CCDC171: variants seen among roughly 807,000 people sequenced by gnomAD.
CCDC171 encodes the protein coiled-coil domain containing 171.
In CCDC171, 177 loss-of-function variants were observed where a neutral mutation model predicts 168.2. The ratio of observed to expected loss-of-function variants is 1.05; its 90% confidence interval spans 0.93 to 1.19. The LOEUF (loss-of-function observed/expected upper bound fraction) is 1.19, where lower values mean the gene tolerates loss of function less well. CCDC171 is among the 50% of genes most tolerant of loss of function. The probability of loss-of-function intolerance (pLI) is 0.00; values close to 1 mark genes in which losing one functional copy is unlikely to be tolerated. For synonymous variants in CCDC171, 687 were observed against 540.8 expected, an observed-to-expected ratio of 1.27 and a Z score of -3.75; for missense variants, 1,991 against 1,539.0, an observed-to-expected ratio of 1.29 and a Z score of -4.91.
intron 21 of CCDC171, among the ~76,000 whole-genome samples, chr9:15,811,317 A>G (rs2059346662): frequency 1.3e-5 from 2 of 152,258 alleles, no homozygotes; most frequent in East Asian, 1.9e-4. Context: ...ATAATTAGAT[A>G]CAGCATACCT....
chr9:15,924,837 C>T (rs1429847923), intron 25 of CCDC171, among the ~76,000 whole-genome samples: 1 of 151,482 alleles, frequency 6.6e-6, no homozygotes, highest in African/African-American at 2.4e-5. Flanking sequence ...CCATTAGTTC[C>T]TTTCCATCCC....
intron 21 of CCDC171, among the ~76,000 whole-genome samples, chr9:15,835,294 T>C (rs1336295029): frequency 1.3e-5 from 2 of 152,224 alleles, no homozygotes; most frequent in Admixed American, 6.5e-5. Context: ...TTTGATAAAA[T>C]GTTATATAAC....
intron 23 of CCDC171, among the ~76,000 whole-genome samples, chr9:15,869,426 TTTTC>T (rs2061932874): frequency 6.6e-6 from 1 of 151,898 alleles, no homozygotes; most frequent in African/African-American, 2.4e-5. Context: ...TTAAATTATT[TTTTC>T]TTTCTTCTAC....
chr9:15,608,420 G>A (rs1160589114), intron 6 of CCDC171, among the ~76,000 whole-genome samples: 2 of 151,894 alleles, frequency 1.3e-5, no homozygotes, highest in Non-Finnish European at 2.9e-5. Flanking sequence ...CTCTTAAGTG[G>A]GTGTAACAAT....
the CCDC171 span, among the ~76,000 whole-genome samples, chr9:16,102,742 T>C: frequency 6.6e-6 from 1 of 152,198 alleles, no homozygotes; most frequent in African/African-American, 2.4e-5. Context: ...TTCGTCCCCC[T>C]GGCCTCATGC....
chr9:15,707,671 A>G (rs1303369781), intron 11 of CCDC171, among the ~76,000 whole-genome samples: 5 of 152,224 alleles, frequency 3.3e-5, no homozygotes, highest in Non-Finnish European at 5.9e-5. Flanking sequence ...GTTTAAAAAC[A>G]TACTATTATT....
intron 3 of CCDC171, 151 bp downstream of exon 3, chr9:15,571,910 T>G (rs1587045918): frequency 3.2e-6 from 2 of 620,152 alleles, no homozygotes; most frequent in East Asian, 6.8e-5. Context: ...AATTTTAAAA[T>G]GTAGTGTAAT....
chr9:15,893,702 G>C (rs1438881992), intron 24 of CCDC171, among the ~76,000 whole-genome samples: 2 of 152,262 alleles, frequency 1.3e-5, no homozygotes, highest in Non-Finnish European at 2.9e-5. Context: ...CTGATGATTA[G>C]AGAAATGCAA....
At chr9:15,574,215 G>T (rs1367538036) in intron 3 of CCDC171, among the ~76,000 whole-genome samples, 3 of 151,780 alleles carry the variant, frequency 2.0e-5, no homozygotes, top group African/African-American at 7.3e-5. Flanking sequence ...TGCTATCTTG[G>T]CTCACTGCAA....
chr9:15,858,798 G>C (rs2061439869), intron 23 of CCDC171, among the ~76,000 whole-genome samples: 1 of 151,806 alleles, frequency 6.6e-6, no homozygotes, highest in Admixed American at 6.6e-5. Context: ...ATTCTAAAGG[G>C]GTTTCTATGT....
chr9:16,069,492 A>C, the CCDC171 span, among the ~76,000 whole-genome samples: 2 of 152,232 alleles, frequency 1.3e-5, no homozygotes, highest in Admixed American at 6.5e-5. Context: ...TCTCGGGGTG[A>C]GAAGGAGGAG....
chr9:16,027,419 G>A (rs761260847), intron 6 of CCDC171, among the ~76,000 whole-genome samples: 30 of 152,082 alleles, frequency 2.0e-4, no homozygotes, highest in Admixed American at 6.5e-4. Flanking sequence ...GGTGGAGGGC[G>A]TCTCCACCAC....
intron 25 of CCDC171, among the ~76,000 whole-genome samples, chr9:15,969,713 C>T (rs1831156604): frequency 6.6e-6 from 1 of 152,078 alleles, no homozygotes; most frequent in African/African-American, 2.4e-5. Flanking sequence ...AAATCAGGCC[C>T]CACCATTTCC....
rs555039267 is a variant in CCDC171, at chr9:15,864,285, A to G, written c.3469-10247A>G. On this transcript the variant is annotated intron_variant, in intron 23 of 25. Coordinates refer to ENST00000380701, the MANE Select transcript of CCDC171 (RefSeq NM_173550.4). Reference sequence around the variant, plus strand: ...TAATAGCTCTACCAGTAGGCTTTCAATTTTACTGATAATACAGGAATTATT... The same window carrying G: ...TAATAGCTCTACCAGTAGGCTTTCAGTTTTACTGATAATACAGGAATTATT... Among the ~76,000 whole-genome samples, 6 of 152,080 alleles carry G rather than the reference A, an allele frequency of 3.9e-5. No individual in the cohort carries two copies. The South Asian group carries it at 6.2e-4, about 16-fold the overall frequency.
At chr9:15,852,969 G>A (rs990936680) in intron 23 of CCDC171, among the ~76,000 whole-genome samples, 6 of 151,640 alleles carry the variant, frequency 4.0e-5, no homozygotes, top group Admixed American at 3.3e-4. Context: ...TATCAGTACC[G>A]TAAGTTTTGA....
intron 3 of CCDC171, among the ~76,000 whole-genome samples, chr9:15,574,528 C>A (rs2040482499): frequency 6.6e-6 from 1 of 152,142 alleles, no homozygotes; most frequent in South Asian, 2.1e-4. Flanking sequence ...ATCCACCTGT[C>A]TCGACCTCCC....
chr9:15,927,059 T>G (rs140009287), intron 25 of CCDC171, among the ~76,000 whole-genome samples: 1 of 151,736 alleles, frequency 6.6e-6, no homozygotes. Flanking sequence ...AAAACATATG[T>G]CATGTCATTG....
exon 2 of CCDC171, chr9:16,060,669 T>C (rs1351451441): frequency 6.6e-6 from 1 of 152,256 alleles, no homozygotes; most frequent in African/African-American, 2.4e-5. Flanking sequence ...GAAAAGAGAC[T>C]TCATTTCCAT....
chr9:15,884,945 G>A (rs747353502), intron 24 of CCDC171, among the ~76,000 whole-genome samples: 1 of 152,136 alleles, frequency 6.6e-6, no homozygotes, highest in African/African-American at 2.4e-5. Flanking sequence ...TGTTCAACAT[G>A]TGCCTTCAAA....
Sources: allele counts gnomAD v4.1 joint callset (sites outside exome capture counted in the v4.1 genomes callset), GRCh38; gene constraint gnomAD v4.1.1; transcripts MANE v1.5; gene names NCBI Gene and HGNC (gene_info 2026-07-23, HGNC 2026-07-21).